The following RBM27 variants were observed in gnomAD, a reference collection of about 807,000 sequenced individuals.
RBM27 encodes the protein RNA-binding protein 27.
RBM27 carries 22 observed loss-of-function variants against 135.3 expected under a neutral mutation model. That is an observed-to-expected ratio of 0.16 (90% CI 0.12 to 0.23). RBM27 has a LOEUF of 0.23. RBM27 is among the 10% of genes least tolerant of loss of function. RBM27 has a pLI of 1.00. For synonymous variants in RBM27, 481 were observed against 442.4 expected, an observed-to-expected ratio of 1.09 and a Z score of -1.10; for missense variants, 1,009 against 1,281.0, an observed-to-expected ratio of 0.79 and a Z score of 3.24.
chr5:146,242,890 T>C (rs145774301), intron 8 of RBM27, among the ~76,000 whole-genome samples: 3,242 of 152,168 alleles, frequency 0.021, 43 homozygotes, highest in Middle Eastern at 0.045. Flanking sequence ...GAGCCACCAC[T>C]CCTGGCCTCA....
intron 19 of RBM27, among the ~76,000 whole-genome samples, chr5:146,284,356 GA>G (rs1217891800): frequency 6.6e-6 from 1 of 151,822 alleles, no homozygotes; most frequent in Non-Finnish European, 1.5e-5. Flanking sequence ...ACTCTACTTA[GA>G]AAAAAAATTA....
At chr5:146,253,911 T>C (rs72806127) in intron 9 of RBM27, among the ~76,000 whole-genome samples, 5,612 of 152,262 alleles carry the variant, frequency 0.037, 107 homozygotes, top group Non-Finnish European at 0.039. Context: ...ATATTCTGAA[T>C]CACTTCTATA....
chr5:146,256,390 C>T (rs1758104592), intron 10 of RBM27, among the ~76,000 whole-genome samples: 1 of 148,440 alleles, frequency 6.7e-6, no homozygotes, highest in Non-Finnish European at 1.5e-5. Context: ...CCTTCTGTCA[C>T]CTATGCTGGA....
rs182822557 is a variant in RBM27 at position 146,276,975 on chromosome 5, T to C, written c.2988+5301T>C. Among the ~76,000 whole-genome samples, 11 of 152,338 alleles carry C rather than the reference T, an allele frequency of 7.2e-5. No homozygotes were observed. The East Asian group carries it at 2.1e-3, about 29-fold the overall frequency. Reference sequence around the variant, plus strand: ...TACTGTTGTTATCTGTCACAAGTGATCAGGAGTTTACCTTTTCTGCACACT... The same window carrying C: ...TACTGTTGTTATCTGTCACAAGTGACCAGGAGTTTACCTTTTCTGCACACT... On this transcript the variant is annotated intron_variant, in intron 19 of 20. Transcript: ENST00000265271.
intron 19 of RBM27, among the ~76,000 whole-genome samples, chr5:146,278,225 G>C (rs1401780787): frequency 6.6e-6 from 1 of 152,098 alleles, no homozygotes; most frequent in African/African-American, 2.4e-5. Flanking sequence ...GGGGAAAATG[G>C]CTGGACTAGA....
At chr5:146,209,671 C>T (rs1755853513) in intron 1 of RBM27, among the ~76,000 whole-genome samples, 1 of 152,098 alleles carries the variant, frequency 6.6e-6, no homozygotes, top group Non-Finnish European at 1.5e-5. Context: ...TGGAGCTGAC[C>T]ACCTGGTAAA....
At position 146,286,510 on chromosome 5, in the gene RBM27, A is replaced by G. The variant is rs932309702; in HGVS notation, c.*480A>G. On this transcript the variant is annotated 3_prime_UTR_variant, in exon 21 of 21. Transcript: ENST00000265271. ...TTTCAAGAGTGGTCTTGGAAGAAAA[A>G]TATGTTTATTTTAATTTTAATTTTT... The G allele has an allele frequency of 1.3e-5, 2 of 151,914 alleles. No homozygotes were observed. The highest frequency in any genetic ancestry group is 4.8e-5 in the African/African-American group (2 of 41,302). The allele number at this position is 151,914 out of a possible 1,614,324, so 9.4% of individuals were successfully genotyped here.
chr5:146,284,448 A>G (rs1759500995), intron 19 of RBM27, among the ~76,000 whole-genome samples, 174 bp from the exon 20 acceptor site: 1 of 152,190 alleles, frequency 6.6e-6, no homozygotes, highest in South Asian at 2.1e-4. Context: ...CAGAACATAT[A>G]GTTGCTCTAA....
intron 8 of RBM27, among the ~76,000 whole-genome samples, chr5:146,239,010 A>G (rs988300917): frequency 2.6e-5 from 4 of 152,202 alleles, no homozygotes; most frequent in Admixed American, 2.6e-4. Context: ...TTATTATATT[A>G]TTGTAGTTAT....
chr5:146,233,180 G>C (rs1433712363), intron 6 of RBM27, among the ~76,000 whole-genome samples: 1 of 152,094 alleles, frequency 6.6e-6, no homozygotes, highest in Non-Finnish European at 1.5e-5. Flanking sequence ...AATTGCAAAT[G>C]GTTTAGTATA....
intron 12 of RBM27, 80 bp from the exon 13 acceptor site, chr5:146,261,430 A>G: frequency 1.7e-6 from 2 of 1,182,452 alleles, no homozygotes; most frequent in Non-Finnish European, 2.4e-6. Flanking sequence ...TGGGGAAAAC[A>G]TTCATTACAT....
At chr5:146,217,301 A>T (rs1050750772) in intron 1 of RBM27, among the ~76,000 whole-genome samples, 2 of 152,060 alleles carry the variant, frequency 1.3e-5, no homozygotes, top group African/African-American at 4.8e-5. Context: ...AGCCTTTCCC[A>T]TGACAGTGTT....
At chr5:146,264,654 T>TA (rs35210934) in intron 14 of RBM27, among the ~76,000 whole-genome samples, 2,859 of 97,842 alleles carry the variant, frequency 0.029, 44 homozygotes, top group Middle Eastern at 0.06. Flanking sequence ...CAAAGAGAGC[T>TA]AAAAAAAAAA....
chr5:146,258,430 CA>C lies in RBM27; in HGVS notation c.1595-17del. 1 of 1,527,044 alleles carries C rather than the reference CA, an allele frequency of 6.5e-7. No individual in the cohort carries two copies. The allele number at this position is 1,527,044 out of a possible 1,614,324, so 94.6% of individuals were successfully genotyped here. A position where few individuals can be genotyped will look rare whatever the true frequency, so the allele number is the denominator to read the frequency against. On this transcript the variant is annotated intron_variant, in intron 10 of 20. Transcript: ENST00000265271. ...AGACTCCTGAAAAACTCAGTAATTT[CA>C]ATTTTTTTTTCCAACAGCTGCTAAC...
rs1363616383 is a variant in RBM27 at position 146,286,142 on chromosome 5, A to G, written c.*112A>G. On this transcript the variant is annotated 3_prime_UTR_variant, in exon 21 of 21. Coordinates refer to ENST00000265271, the MANE Select transcript of RBM27 (RefSeq NM_018989.2). Reference sequence around the variant, plus strand: ...AAAAATTTTTTTATTTTTCTTTTCAACACAGTAGGTTCAAGAACAGCAAGT... The same window carrying G: ...AAAAATTTTTTTATTTTTCTTTTCAGCACAGTAGGTTCAAGAACAGCAAGT... The G allele has an allele frequency of 2.0e-5, 16 of 797,100 alleles. No homozygotes were observed. In the Admixed American group the frequency reaches 2.9e-4, roughly 15 times the overall value. The allele number at this position is 797,100 out of a possible 1,614,324, so 49.4% of individuals were successfully genotyped here. A position where few individuals can be genotyped will look rare whatever the true frequency, so the allele number is the denominator to read the frequency against.
At chr5:146,213,434 T>C (rs1409876275) in intron 1 of RBM27, among the ~76,000 whole-genome samples, 2 of 152,088 alleles carry the variant, frequency 1.3e-5, no homozygotes, top group Non-Finnish European at 2.9e-5. Flanking sequence ...TTGATACACA[T>C]TGAGATCAGG....
chr5:146,271,109 G>T (rs755982208), intron 18 of RBM27, 51 bp downstream of exon 18: 1 of 1,453,042 alleles, frequency 6.9e-7, no homozygotes, highest in African/African-American at 1.4e-5. Flanking sequence ...TCTCAAAAAA[G>T]TTTTCCTTTG....
rs778707137 is a variant in RBM27 at position 146,261,653 on chromosome 5, G to A, written c.2037G>A (p.Pro679=). The change falls in exon 13 of 21, where the codon CCG becomes CCA. Residue 679 remains proline (P), a synonymous_variant. Coordinates refer to ENST00000265271, the MANE Select transcript of RBM27 (RefSeq NM_018989.2). ...VLWHRENNEQ[P]TLQSSAQLLL... ...GGCATAGGGAAAATAATGAGCAACC[G>A]ACACTACAGTCCTCAGCACAGCTGC... is the stretch of plus-strand genomic sequence containing the variant. 15 of 1,613,954 alleles carry A rather than the reference G, an allele frequency of 9.3e-6. No individual in the cohort carries two copies. In the African/African-American group the frequency reaches 1.3e-4, roughly 14 times the overall value.
chr5:146,212,204 C>T (rs994773959), intron 1 of RBM27, among the ~76,000 whole-genome samples: 8 of 151,704 alleles, frequency 5.3e-5, no homozygotes, highest in East Asian at 3.9e-4. Flanking sequence ...TACAGGCACG[C>T]GCCACCACGC....
Sources: allele counts gnomAD v4.1 joint callset (sites outside exome capture counted in the v4.1 genomes callset), GRCh38; gene constraint gnomAD v4.1.1; transcripts MANE v1.5; gene names NCBI Gene and HGNC (gene_info 2026-07-23, HGNC 2026-07-21).